Variants in MYH11 observed in about 807,000 individuals in gnomAD.
The protein encoded by MYH11 is myosin heavy chain 11.
A neutral mutation model predicts 246.6 loss-of-function variants in MYH11; 80 were observed. That is an observed-to-expected ratio of 0.32 (90% CI 0.27 to 0.39). MYH11 has a LOEUF of 0.39. Among genes scored for constraint, MYH11 ranks in the 10% least tolerant of loss-of-function variants. The pLI, the probability that MYH11 is intolerant of heterozygous loss-of-function variation, is 1.00. For missense variants in MYH11, 2,158 were observed against 2,546.8 expected, an observed-to-expected ratio of 0.85 and a Z score of 3.29; for synonymous variants, 1,071 against 1,015.5, an observed-to-expected ratio of 1.05 and a Z score of -1.04.
intron 7 of MYH11, 122 bp downstream of exon 7, chr16:15,778,658 G>A: frequency 3.0e-6 from 3 of 1,004,654 alleles, no homozygotes; most frequent in Non-Finnish European, 4.8e-6. Flanking sequence ...GGGGAGATTT[G>A]TTCTGGAAGA....
At position 15,721,471 on chromosome 16, in the gene MYH11, T is replaced by C. The variant is rs199713089; in HGVS notation, c.4529A>G (p.Lys1510Arg). 4.8e-5 allele frequency: 77 copies of C among 1,614,208 alleles called. No individual in the cohort carries two copies. The highest frequency in any genetic ancestry group is 2.9e-4 in the East Asian group (13 of 44,880). ...EELERTNKML[K>R]AEMEDLVSSK... is the part of the protein sequence containing the mutation. ...GCTGACCAGGTCTTCCATTTCGGCT[T>C]TGAGCATTTTGTTGGTCCGCTCGAG... Residue 1510 changes from lysine to arginine, a missense_variant, in exon 32 of 41, where the codon AAA becomes AGA. Physicochemically the swap from Lys to Arg is conservative, Grantham distance 26 (BLOSUM62 2). Transcript: ENST00000300036.
rs758978749 is a variant in MYH11 at position 15,794,193 on chromosome 16, G to A, written c.530+4467C>T. Among the ~76,000 whole-genome samples the A allele has an allele frequency of 7.9e-5, 12 of 152,006 alleles. No individual in the cohort carries two copies. In the East Asian group the frequency reaches 9.7e-4, roughly 12 times the overall value. On this transcript the variant is annotated intron_variant, in intron 4 of 40. Transcript: ENST00000300036. ...GAACTCCTGACCTCGTGATCCGCCC[G>A]CCTCGGCCTCCCAAAGTGCTGGGAT...
chr16:15,724,079 A>G (rs2151217697), intron 31 of MYH11, 82 bp downstream of exon 31: 1 of 1,601,406 alleles, frequency 6.2e-7, no homozygotes, highest in South Asian at 1.1e-5. Context: ...GGCACAGGCC[A>G]GAGCCACGCG....
At chr16:15,751,462 C>CAT (rs1345665474) in intron 15 of MYH11, among the ~76,000 whole-genome samples, 1 of 130,528 alleles carries the variant, frequency 7.7e-6, no homozygotes, top group Non-Finnish European at 1.6e-5. Flanking sequence ...CGCGCCCGGC[C>CAT]ATCATCATCA....
At chr16:15,740,030 C>T in intron 23 of MYH11, 21 bp downstream of exon 23, 9 of 1,613,328 alleles carry the variant, frequency 5.6e-6, no homozygotes, top group Non-Finnish European at 7.6e-6. Flanking sequence ...GCGTGAGCCA[C>T]TGCACCCGGC....
In MYH11 at chr16:15,726,975, C is replaced by T; in HGVS notation, c.3731G>A (p.Gly1244Asp). The T allele has an allele frequency of 1.2e-6, 2 of 1,611,884 alleles. No homozygotes were observed. Among genetic ancestry groups the T allele is most frequent in the Non-Finnish European group, 1.7e-6 (2 of 1,178,828 alleles). ...ADLAGELRVL[G>D]QAKQEVEHKK... ...ATGTTCCACCTCCTGCTTGGCCTGG[C>T]CCAGGACCCGCAGCTCCCCGGCCAG... Residue 1244 changes from glycine (G) to aspartate (D), a missense_variant, in exon 28 of 41, where the codon GGC becomes GAC. Physicochemically the swap from Gly to Asp is moderately conservative, Grantham distance 94. Transcript: ENST00000300036.
chr16:15,811,958 G>C (rs1452432740), intron 3 of MYH11, among the ~76,000 whole-genome samples: 1 of 152,146 alleles, frequency 6.6e-6, no homozygotes, highest in Non-Finnish European at 1.5e-5. Context: ...TACACCCCAG[G>C]GACCCATGGA....
intron 7 of MYH11, among the ~76,000 whole-genome samples, 183 bp downstream of exon 7, chr16:15,778,597 G>A (rs2042276614): frequency 6.6e-6 from 1 of 152,130 alleles, no homozygotes; most frequent in Non-Finnish European, 1.5e-5. Flanking sequence ...GTTCAAACCA[G>A]GGGTCCGGTC....
intron 38 of MYH11, among the ~76,000 whole-genome samples, chr16:15,716,261 G>T (rs1036191794): frequency 6.6e-6 from 1 of 152,044 alleles, no homozygotes; most frequent in Non-Finnish European, 1.5e-5. Context: ...CGATGAAAAT[G>T]TTCTCAAAAT....
chr16:15,755,270 G>T (rs1331809461), intron 14 of MYH11, among the ~76,000 whole-genome samples: 1 of 152,074 alleles, frequency 6.6e-6, no homozygotes, highest in African/African-American at 2.4e-5. Flanking sequence ...ACAGGGCAAG[G>T]GCCTATACAA....
chr16:15,718,683 C>T (rs143390969), intron 36 of MYH11: 121 of 582,844 alleles, frequency 2.1e-4, no homozygotes, highest in South Asian at 1.1e-3. Flanking sequence ...CCTGACTCTT[C>T]CTGGCCTCCC....
chr16:15,791,416 C>T (rs559818796), intron 4 of MYH11: 9 of 152,198 alleles, frequency 5.9e-5, no homozygotes, highest in Non-Finnish European at 1.0e-4. Flanking sequence ...CTTTATGTGA[C>T]TGGCAAAGCA....
intron 3 of MYH11, among the ~76,000 whole-genome samples, chr16:15,815,713 T>A (rs867696110): frequency 6.6e-6 from 1 of 152,146 alleles, no homozygotes; most frequent in African/African-American, 2.4e-5. Flanking sequence ...AATGGACTCA[T>A]AGCAAGTCCC....
In MYH11 at chr16:15,726,841, T is replaced by A. The variant is rs771648931; in HGVS notation, c.3858+7A>T. On this transcript the variant is annotated splice_region_variant and intron_variant, in intron 28 of 40. Transcript: ENST00000300036. The stretch of plus-strand genomic sequence containing the variant: ...CTGCCCACCACACCACCGCGCCACC[T>A]CCTCACCTGCAGCTTGTGGACTTTG... 3 of 1,611,350 alleles carry A rather than the reference T, an allele frequency of 1.9e-6. No individual in the cohort carries two copies. The highest frequency in any genetic ancestry group is 1.3e-5 in the African/African-American group (1 of 74,926).
chr16:15,806,661 A>C (rs1237190048), intron 3 of MYH11, among the ~76,000 whole-genome samples: 1 of 152,160 alleles, frequency 6.6e-6, no homozygotes, highest in Non-Finnish European at 1.5e-5. Context: ...ACCACCTCTG[A>C]ATGATTATAA....
intron 4 of MYH11, among the ~76,000 whole-genome samples, chr16:15,796,102 G>A (rs2042737157): frequency 6.6e-6 from 1 of 152,184 alleles, no homozygotes; most frequent in Admixed American, 6.5e-5. Flanking sequence ...CCCTGAACTA[G>A]GAAGAGGCGG....
chr16:15,713,004 C>T (rs1048586448), intron 40 of MYH11: 1 of 151,324 alleles, frequency 6.6e-6, no homozygotes, highest in Non-Finnish European at 1.5e-5. Flanking sequence ...TAGGCATGCA[C>T]CACCACACCT....
chr16:15,836,719 C>CTTTT (rs780997939), intron 2 of MYH11, among the ~76,000 whole-genome samples: 13 of 95,108 alleles, frequency 1.4e-4, no homozygotes, highest in East Asian at 3.1e-4. Context: ...TTTAATGTTT[C>CTTTT]TTTTTTTTTT....
At chr16:15,752,514 C>T (rs546846273) in intron 15 of MYH11, among the ~76,000 whole-genome samples, 22 of 152,226 alleles carry the variant, frequency 1.4e-4, no homozygotes, top group Admixed American at 1.3e-3. Context: ...TTTTCAGGCC[C>T]GCCCCATCCC....
Sources: gnomAD v4.1 joint callset for allele counts (sites outside exome capture counted in the v4.1 genomes callset) on GRCh38, gnomAD v4.1.1 for gene constraint, MANE v1.5 for transcripts, NCBI Gene and HGNC (gene_info 2026-07-23, HGNC 2026-07-21) for gene names.